Variants in AFAP1 observed in about 807,000 individuals in gnomAD.
AFAP1 encodes actin filament-associated protein 1.
In AFAP1, 75 loss-of-function variants were observed where a neutral mutation model predicts 93.9. That is an observed-to-expected ratio of 0.80 (90% CI 0.66 to 0.97). The LOEUF (loss-of-function observed/expected upper bound fraction) is 0.97, where lower values mean the gene tolerates loss of function less well. AFAP1 is among the 50% of genes least tolerant of loss of function. AFAP1 has a pLI of 0.00. For synonymous variants in AFAP1, 517 were observed against 430.7 expected (o/e 1.20, Z -2.48); for missense variants, 1,201 against 1,050.8 (o/e 1.14, Z -1.98).
intron 2 of AFAP1, among the ~76,000 whole-genome samples, chr4:7,869,742 G>C (rs1221659716): frequency 6.6e-6 from 1 of 152,136 alleles, no homozygotes; most frequent in East Asian, 1.9e-4. Flanking sequence ...GCCAGGCATT[G>C]AAACATGAAA....
At chr4:7,862,874 G>A (rs1041608142) in intron 3 of AFAP1, among the ~76,000 whole-genome samples, 3 of 152,100 alleles carry the variant, frequency 2.0e-5, no homozygotes, top group Non-Finnish European at 2.9e-5. Flanking sequence ...ATACCCCTAT[G>A]TTTAGACACA....
At chr4:7,863,587 A>C (rs1357543683) in intron 3 of AFAP1, among the ~76,000 whole-genome samples, 3 of 152,158 alleles carry the variant, frequency 2.0e-5, no homozygotes, top group Non-Finnish European at 4.4e-5. Flanking sequence ...TGACTTCAAA[A>C]ATTCAGAAGT....
chr4:7,783,742 G>A (rs1717001955), intron 12 of AFAP1, among the ~76,000 whole-genome samples: 1 of 152,246 alleles, frequency 6.6e-6, no homozygotes, highest in Non-Finnish European at 1.5e-5. Context: ...AACGGGCTGG[G>A]TGGAGCTGGA....
chr4:7,920,459 G>C (rs1434324820), intron 1 of AFAP1, among the ~76,000 whole-genome samples: 1 of 152,118 alleles, frequency 6.6e-6, no homozygotes, highest in East Asian at 1.9e-4. Context: ...ATCTTTCTCT[G>C]GTGACGACAA....
rs28671363 is a variant in AFAP1, at chr4:7,852,172, G to C, written c.334+3294C>G. ...TTCTGGCACTATATGTTCTGACTTG[G>C]TGGTACTGTTTCTCCCACAGCCCAG... On this transcript the variant is annotated intron_variant, in intron 4 of 17. Coordinates refer to ENST00000420658, the MANE Select transcript of AFAP1 (RefSeq NM_001134647.2). Among the ~76,000 whole-genome samples, 856 of 152,302 alleles carry C rather than the reference G, an allele frequency of 5.6e-3. 8 individuals are homozygous for C. The highest frequency in any genetic ancestry group is 0.02 in the African/African-American group (818 of 41,566).
intron 1 of AFAP1, among the ~76,000 whole-genome samples, chr4:7,901,067 T>G (rs1227327722): frequency 6.6e-6 from 1 of 152,206 alleles, no homozygotes; most frequent in Non-Finnish European, 1.5e-5. Context: ...GAAAGCACTT[T>G]CTATGTATAA....
chr4:7,920,906 G>T (rs1254361664), intron 1 of AFAP1, among the ~76,000 whole-genome samples: 3 of 151,960 alleles, frequency 2.0e-5, no homozygotes, highest in Non-Finnish European at 2.9e-5. Context: ...GGCTAGGAGA[G>T]GGACTAAATA....
chr4:7,851,400 A>T (rs1009024388), intron 4 of AFAP1, among the ~76,000 whole-genome samples: 3 of 152,182 alleles, frequency 2.0e-5, no homozygotes, highest in African/African-American at 7.2e-5. Flanking sequence ...ACAACCATTC[A>T]TGAACACTGC....
rs1718642195 is a variant in AFAP1, at chr4:7,798,191, C to CTCTATTGGCTGGCTCACAGCATTGCAAT, written c.1266+2250_1266+2251insATTGCAATGCTGTGAGCCAGCCAATAGA. 1.7e-5 allele frequency among the ~76,000 whole-genome samples: 2 copies of CTCTATTGGCTGGCTCACAGCATTGCAAT among 119,832 alleles called. 1 individual carries two copies. Among genetic ancestry groups the CTCTATTGGCTGGCTCACAGCATTGCAAT allele is most frequent in the African/African-American group, 6.5e-5 (2 of 30,966 alleles). The allele number at this position is 119,832 out of a possible 152,430, so 78.6% of individuals were successfully genotyped here. On this transcript the variant is annotated intron_variant, in intron 10 of 17. Coordinates refer to ENST00000420658, the MANE Select transcript of AFAP1 (RefSeq NM_001134647.2). ...TACTGGCTGGCTCACGGCACTGCAACTCTATTGGCTGGCTCACGGCACTGC... is the reference window on the plus strand; with the variant it reads ...TACTGGCTGGCTCACGGCACTGCAACTCTATTGGCTGGCTCACAGCATTGCAATTCTATTGGCTGGCTCACGGCACTGC...
intron 10 of AFAP1, among the ~76,000 whole-genome samples, chr4:7,798,546 TTA>T (rs1718709332): frequency 2.0e-5 from 3 of 152,230 alleles, no homozygotes; most frequent in Non-Finnish European, 2.9e-5. Context: ...CTGTAGATGT[TTA>T]TGTGTCACTT....
chr4:7,804,589 G>A (rs149317076), intron 9 of AFAP1, among the ~76,000 whole-genome samples: 105 of 152,284 alleles, frequency 6.9e-4, no homozygotes, highest in African/African-American at 2.0e-3. Context: ...GATATGGGGC[G>A]TCGCGGGTCT....
At chr4:7,814,624 C>T (rs1041654954) in intron 8 of AFAP1, among the ~76,000 whole-genome samples, 1 of 152,156 alleles carries the variant, frequency 6.6e-6, no homozygotes. Context: ...CAAACACGGA[C>T]GACTCTCCGA....
At chr4:7,828,129 G>A (rs1000791291) in intron 6 of AFAP1, among the ~76,000 whole-genome samples, 3 of 152,130 alleles carry the variant, frequency 2.0e-5, no homozygotes, top group Non-Finnish European at 4.4e-5. Flanking sequence ...ACATATTGTG[G>A]TTCTTCCTTG....
At chr4:7,835,035 T>C (rs151109999) in intron 6 of AFAP1, among the ~76,000 whole-genome samples, 46 of 91,080 alleles carry the variant, frequency 5.1e-4, no homozygotes, top group South Asian at 3.0e-3. Context: ...GAATGGACTG[T>C]GGGCTGCCTT....
intron 4 of AFAP1, among the ~76,000 whole-genome samples, chr4:7,848,963 C>G (rs28444363): frequency 6.6e-6 from 1 of 152,202 alleles, no homozygotes; most frequent in Non-Finnish European, 1.5e-5. Context: ...TCAGGCACAT[C>G]AGAGCCAGCA....
intron 1 of AFAP1, among the ~76,000 whole-genome samples, chr4:7,937,213 T>C (rs1320400621): frequency 6.6e-6 from 1 of 152,186 alleles, no homozygotes; most frequent in Non-Finnish European, 1.5e-5. Flanking sequence ...ATAAAGTATA[T>C]ACACATGTAA....
At chr4:7,877,349 A>G (rs1368537116) in intron 1 of AFAP1, among the ~76,000 whole-genome samples, 1 of 152,250 alleles carries the variant, frequency 6.6e-6, no homozygotes. Context: ...ACAAGAATGC[A>G]GCGAAGACGC....
intron 11 of AFAP1, among the ~76,000 whole-genome samples, chr4:7,791,852 C>CA (rs10661853): frequency 1.2e-4 from 17 of 146,938 alleles, no homozygotes; most frequent in South Asian, 2.1e-4. Context: ...CAAAAAAAAA[C>CA]AAAAACAAAA....
At chr4:7,800,359 TAG>T in intron 10 of AFAP1, 81 bp downstream of exon 10, 1 of 1,424,392 alleles carries the variant, frequency 7.0e-7, no homozygotes, top group Non-Finnish European at 9.7e-7. Flanking sequence ...GGAATTTTGA[TAG>T]AGGAGTCAGC....
Sources: allele counts gnomAD v4.1 joint callset (sites outside exome capture counted in the v4.1 genomes callset), GRCh38; gene constraint gnomAD v4.1.1; transcripts MANE v1.5; gene names NCBI Gene and HGNC (gene_info 2026-07-23, HGNC 2026-07-21).